The following NDRG1 variants were observed in gnomAD, a reference collection of about 807,000 sequenced individuals.
NDRG1 encodes protein NDRG1.
In NDRG1, 32 loss-of-function variants were observed where a neutral mutation model predicts 56.9. The ratio of observed to expected loss-of-function variants is 0.56; its 90% CI spans 0.42 to 0.76. NDRG1 has a LOEUF of 0.76. NDRG1 is among the 30% of genes least tolerant of loss of function. NDRG1 has a pLI of 0.00. For missense variants in NDRG1, 507 were observed against 545.7 expected (o/e 0.93, Z 0.71); for synonymous variants, 211 against 204.1 (o/e 1.03, Z -0.29).
intron 1 of NDRG1, among the ~76,000 whole-genome samples, chr8:133,291,374 T>C (rs1414812085): frequency 6.6e-6 from 1 of 152,174 alleles, no homozygotes; most frequent in Non-Finnish European, 1.5e-5. Context: ...GAAAACCACC[T>C]TGAGATAGGC....
chr8:133,291,709 G>C (rs948916915), intron 1 of NDRG1, among the ~76,000 whole-genome samples: 2 of 152,268 alleles, frequency 1.3e-5, no homozygotes, highest in South Asian at 2.1e-4. Flanking sequence ...GGAACTCCTC[G>C]AGGGCCCCTG....
At chr8:133,242,215 A>G (rs1448466498) in intron 14 of NDRG1, 141 bp from the exon 15 acceptor site, 2 of 833,804 alleles carry the variant, frequency 2.4e-6, no homozygotes, top group Admixed American at 3.9e-5. Context: ...AGGACAAAAC[A>G]CAAAAGTAAG....
intron 1 of NDRG1, among the ~76,000 whole-genome samples, chr8:133,292,087 G>C (rs1171512825): frequency 6.6e-6 from 1 of 152,218 alleles, no homozygotes; most frequent in Non-Finnish European, 1.5e-5. Context: ...GACCGTCTGA[G>C]GGGACGAGGT....
chr8:133,243,654 C>T (rs1048740310), intron 14 of NDRG1, among the ~76,000 whole-genome samples: 2 of 152,014 alleles, frequency 1.3e-5, no homozygotes, highest in African/African-American at 4.8e-5. Flanking sequence ...TACATCTGTT[C>T]TCATTTTAAG....
chr8:133,250,342 C>T lies in NDRG1; in HGVS notation c.698+98G>A, dbSNP rs544191170. On this transcript the variant is annotated intron_variant, in intron 10 of 15. Transcript: ENST00000323851. ...GCTCAAACTCAGAGCCTGCCTCTTC[C>T]GCTCATTTTATACTCTCCCTCTCAT... 8.4e-5 allele frequency: 95 copies of T among 1,127,932 alleles called. No homozygotes were observed. In the South Asian group the frequency reaches 8.7e-4, roughly 10 times the overall value. 69.9% of individuals were successfully genotyped at this position (1,127,932 alleles called of 1,614,324 possible). A position where few individuals can be genotyped will look rare whatever the true frequency, so the allele number is the denominator to read the frequency against.
intron 3 of NDRG1, among the ~76,000 whole-genome samples, chr8:133,278,116 G>A (rs1857561542): frequency 6.6e-6 from 1 of 152,172 alleles, no homozygotes; most frequent in Non-Finnish European, 1.5e-5. Flanking sequence ...ATCAGGCTGA[G>A]GGAGGCTGGG....
intron 1 of NDRG1, among the ~76,000 whole-genome samples, chr8:133,292,678 C>T (rs1477956016): frequency 1.3e-5 from 2 of 152,130 alleles, no homozygotes; most frequent in East Asian, 1.9e-4. Flanking sequence ...TCTTAGGTTC[C>T]GTGGGGGTGG....
chr8:133,243,931 T>TGTGTACACATGCACACACACAGAC (rs571697576), intron 14 of NDRG1, among the ~76,000 whole-genome samples: 2 of 151,682 alleles, frequency 1.3e-5, no homozygotes, highest in African/African-American at 2.4e-5. Flanking sequence ...CACACAGACA[T>TGTGTACACATGCACACACACAGAC]GTGTACACAT....
At chr8:133,281,157 AGACCAGCTT>A (rs1857776833) in intron 2 of NDRG1, 1 of 152,166 alleles carries the variant, frequency 6.6e-6, no homozygotes, top group Non-Finnish European at 1.5e-5. Flanking sequence ...CAGGAGTTCA[AGACCAGCTT>A]GACCAGCATG....
At chr8:133,270,364 A>G (rs1247635275) in intron 3 of NDRG1, among the ~76,000 whole-genome samples, 1 of 152,188 alleles carries the variant, frequency 6.6e-6, no homozygotes, top group Non-Finnish European at 1.5e-5. Flanking sequence ...CATCCCAAAC[A>G]TCTGTTGTTC....
intron 9 of NDRG1, among the ~76,000 whole-genome samples, chr8:133,254,334 T>G (rs1856248426): frequency 6.6e-6 from 1 of 152,226 alleles, no homozygotes; most frequent in Admixed American, 6.5e-5. Flanking sequence ...CAATCAGCTG[T>G]TTTTAAAAGA....
chr8:133,286,753 A>G (rs1345848728), intron 1 of NDRG1, among the ~76,000 whole-genome samples: 1 of 152,186 alleles, frequency 6.6e-6, no homozygotes, highest in African/African-American at 2.4e-5. Flanking sequence ...GTCTAGTGAC[A>G]TTATTTATTG....
rs907785532 is a variant in NDRG1, at chr8:133,244,525, G to C, written c.856-135C>G. ...GTCCTGCCTTACAAAGGAGGAACAGGGTGGACCGTGGGTAGGGAACACTCC... is the reference window on the plus strand; with the variant it reads ...GTCCTGCCTTACAAAGGAGGAACAGCGTGGACCGTGGGTAGGGAACACTCC... On this transcript the variant is annotated intron_variant, in intron 13 of 15. Coordinates refer to ENST00000323851, the MANE Select transcript of NDRG1 (RefSeq NM_006096.4). 5 of 1,013,714 alleles carry C rather than the reference G, an allele frequency of 4.9e-6. No homozygotes were observed. The African/African-American group carries it at 8.0e-5, about 16-fold the overall frequency. 62.8% of individuals were successfully genotyped at this position (1,013,714 alleles called of 1,614,324 possible).
chr8:133,269,877 T>C (rs1026698714), intron 3 of NDRG1, among the ~76,000 whole-genome samples: 5 of 152,260 alleles, frequency 3.3e-5, no homozygotes, highest in African/African-American at 1.2e-4. Flanking sequence ...TAATATCTGC[T>C]GCTCCCATCC....
intron 10 of NDRG1, among the ~76,000 whole-genome samples, chr8:133,249,167 C>T (rs1034668181): frequency 6.6e-6 from 1 of 152,208 alleles, no homozygotes; most frequent in Non-Finnish European, 1.5e-5. Context: ...GCCTCACCAA[C>T]TCTGAGTCCT....
chr8:133,278,670 TCATGAGATATTGAGGCATTA>T lies in NDRG1; in HGVS notation c.99+1542_99+1561del, dbSNP rs372724981. On this transcript the variant is annotated intron_variant, in intron 3 of 15. Coordinates refer to ENST00000323851, the MANE Select transcript of NDRG1 (RefSeq NM_006096.4). ...AAAGCTAATGGTGCCTCTCCTGTTA[TCATGAGATATTGAGGCATTA>T]CATGAGATATTGGCTGGCAAGCTCT... 3.1e-4 allele frequency among the ~76,000 whole-genome samples: 47 copies of T among 152,258 alleles called. 1 individual carries two copies. The highest frequency in any genetic ancestry group is 1.1e-3 in the African/African-American group (46 of 41,538).
chr8:133,238,674 C>T lies in NDRG1; in HGVS notation c.*204G>A, dbSNP rs990024844. The T allele has an allele frequency of 1.6e-6, 1 of 633,692 alleles. No homozygotes were observed. Among genetic ancestry groups the T allele is most frequent in the Admixed American group, 3.0e-5 (1 of 33,202 alleles). The allele number at this position is 633,692 out of a possible 1,614,324, so 39.3% of individuals were successfully genotyped here. On this transcript the variant is annotated 3_prime_UTR_variant, in exon 16 of 16. Coordinates refer to ENST00000323851, the MANE Select transcript of NDRG1 (RefSeq NM_006096.4). ...GCGATGCGGAGATGCTTGCTTCCTT[C>T]CTTTGGTCCACCGCCACCCCGCCTT...
intron 3 of NDRG1, among the ~76,000 whole-genome samples, chr8:133,271,602 A>G (rs1857189775): frequency 6.6e-6 from 1 of 151,778 alleles, no homozygotes; most frequent in Admixed American, 6.6e-5. Flanking sequence ...CTGCAACATA[A>G]TGAGACCTCC....
chr8:133,250,653 C>T (rs1855966248), intron 9 of NDRG1, 110 bp from the exon 10 acceptor site: 2 of 952,132 alleles, frequency 2.1e-6, no homozygotes, highest in Non-Finnish European at 3.4e-6. Context: ...ATAATAATGC[C>T]TAATCCACAA....
Sources: gnomAD v4.1 joint callset for allele counts (sites outside exome capture counted in the v4.1 genomes callset) on GRCh38, gnomAD v4.1.1 for gene constraint, MANE v1.5 for transcripts, NCBI Gene and HGNC (gene_info 2026-07-23, HGNC 2026-07-21) for gene names.